ALKBH8: variants seen among roughly 807,000 people sequenced by gnomAD.
ALKBH8 encodes the protein tRNA (carboxymethyluridine(34)-5-O)-methyltransferase ALKBH8.
Under a neutral mutation model 59.8 loss-of-function variants are expected in ALKBH8, and 36 were observed. The ratio of observed to expected loss-of-function variants is 0.60; its 90% CI spans 0.46 to 0.79. The LOEUF is 0.79. Ranked by LOEUF, ALKBH8 falls within the 30% of genes least tolerant of loss-of-function variation. The pLI is 0.00. For missense variants in ALKBH8, 768 were observed against 801.0 expected, an observed-to-expected ratio of 0.96 and a Z score of 0.50; for synonymous variants, 276 against 273.6, an observed-to-expected ratio of 1.01 and a Z score of -0.09.
chr11:107,541,636 T>C (rs1366444462), intron 7 of ALKBH8, among the ~76,000 whole-genome samples: 1 of 152,184 alleles, frequency 6.6e-6, no homozygotes, highest in Non-Finnish European at 1.5e-5. Flanking sequence ...TCTAACTCAA[T>C]GGTATAAAAT....
chr11:107,510,310 G>T (rs1350464463), intron 11 of ALKBH8, among the ~76,000 whole-genome samples: 2 of 151,518 alleles, frequency 1.3e-5, no homozygotes, highest in African/African-American at 4.9e-5. Context: ...AAGAAAGAAA[G>T]AAAATATTAA....
intron 7 of ALKBH8, among the ~76,000 whole-genome samples, chr11:107,547,465 C>G (rs1864310879): frequency 2.0e-5 from 3 of 152,152 alleles, no homozygotes; most frequent in South Asian, 2.1e-4. Context: ...CCTGAAGGAG[C>G]CTTTACACGC....
intron 2 of ALKBH8, among the ~76,000 whole-genome samples, chr11:107,559,467 C>A (rs1864849756): frequency 6.6e-6 from 1 of 151,954 alleles, no homozygotes; most frequent in African/African-American, 2.4e-5. Flanking sequence ...CAGACCCAAC[C>A]AGAAACAAGC....
chr11:107,507,841 T>G (rs944777451), intron 11 of ALKBH8, among the ~76,000 whole-genome samples: 11 of 152,158 alleles, frequency 7.2e-5, no homozygotes, highest in African/African-American at 2.7e-4. Context: ...TTTAATTCCC[T>G]TACCTAGTTG....
intron 7 of ALKBH8, among the ~76,000 whole-genome samples, chr11:107,535,625 T>C (rs963578019): frequency 7.2e-5 from 11 of 152,142 alleles, no homozygotes; most frequent in Admixed American, 5.2e-4. Context: ...TCTCACTGAT[T>C]GAAATTCTTA....
intron 1 of ALKBH8, among the ~76,000 whole-genome samples, chr11:107,563,073 GT>G (rs1865000895): frequency 6.6e-6 from 1 of 152,148 alleles, no homozygotes; most frequent in African/African-American, 2.4e-5. Context: ...ATAGAATAAT[GT>G]TTAAGGTATT....
chr11:107,547,928 A>G (rs956637394), intron 7 of ALKBH8, among the ~76,000 whole-genome samples: 1 of 152,184 alleles, frequency 6.6e-6, no homozygotes, highest in East Asian at 1.9e-4. Context: ...TCCCTTCTTC[A>G]TAATTTCTAA....
chr11:107,524,369 A>C (rs1863262474), intron 9 of ALKBH8, among the ~76,000 whole-genome samples: 1 of 152,082 alleles, frequency 6.6e-6, no homozygotes, highest in African/African-American at 2.4e-5. Context: ...AGCCACAATT[A>C]TTATTCATCT....
intron 9 of ALKBH8, 36 bp downstream of exon 9, chr11:107,525,405 C>A (rs1299327824): frequency 6.7e-7 from 1 of 1,496,080 alleles, no homozygotes; most frequent in Non-Finnish European, 8.9e-7. Flanking sequence ...ATTAAACTGA[C>A]TCCATTTTAC....
intron 1 of ALKBH8, chr11:107,565,359 T>G (rs1338326455): frequency 1.7e-6 from 1 of 585,962 alleles, no homozygotes; most frequent in Non-Finnish European, 3.0e-6. Flanking sequence ...AACAGAAGAT[T>G]GACACAGGCA....
At chr11:107,515,395 A>T (rs1270038718) in intron 10 of ALKBH8, among the ~76,000 whole-genome samples, 2 of 152,158 alleles carry the variant, frequency 1.3e-5, no homozygotes, top group East Asian at 3.9e-4. Flanking sequence ...TCACTCTGTC[A>T]CCCAGGCTGG....
intron 10 of ALKBH8, among the ~76,000 whole-genome samples, chr11:107,521,118 AG>A (rs1224053600): frequency 6.6e-6 from 1 of 152,164 alleles, no homozygotes; most frequent in African/African-American, 2.4e-5. Context: ...TGGTATCCAC[AG>A]GGTCCTGGAA....
At chr11:107,540,024 G>T (rs941592229) in intron 7 of ALKBH8, among the ~76,000 whole-genome samples, 1 of 152,142 alleles carries the variant, frequency 6.6e-6, no homozygotes, top group Non-Finnish European at 1.5e-5. Context: ...AAGTGTTACG[G>T]GCAGCAGCTA....
At chr11:107,537,312 C>G (rs1282781188) in intron 7 of ALKBH8, among the ~76,000 whole-genome samples, 1 of 152,104 alleles carries the variant, frequency 6.6e-6, no homozygotes, top group East Asian at 1.9e-4. Context: ...TGTAAATGCC[C>G]ATCAATGATA....
chr11:107,536,971 T>C (rs1863842892), intron 7 of ALKBH8, among the ~76,000 whole-genome samples: 1 of 152,210 alleles, frequency 6.6e-6, no homozygotes, highest in Non-Finnish European at 1.5e-5. Context: ...GCATCAAGTC[T>C]ACTATGAGGA....
At chr11:107,511,567 C>A (rs1418910618) in intron 10 of ALKBH8, among the ~76,000 whole-genome samples, 2 of 151,582 alleles carry the variant, frequency 1.3e-5, no homozygotes, top group Non-Finnish European at 2.9e-5. Flanking sequence ...AAATCCCCCC[C>A]AAAAAAAATC....
chr11:107,560,919 TA>T lies in ALKBH8; in HGVS notation c.-6-21del. The stretch of plus-strand genomic sequence containing the variant: ...AGCAAACTGTAAAAAAACAAGACAG[TA>T]AAAAAGTCAACCTTAAGAGTCCTGA... On this transcript the variant is annotated intron_variant, in intron 1 of 11. Coordinates refer to ENST00000428149, the MANE Select transcript of ALKBH8 (RefSeq NM_138775.3). 6.3e-7 allele frequency: 1 copy of T among 1,595,106 alleles called. No individual in the cohort carries two copies. Among genetic ancestry groups the T allele is most frequent in the Non-Finnish European group, 8.5e-7 (1 of 1,171,202 alleles).
At chr11:107,542,085 G>A (rs1273743880) in intron 7 of ALKBH8, among the ~76,000 whole-genome samples, 13 of 151,900 alleles carry the variant, frequency 8.6e-5, no homozygotes, top group Admixed American at 5.9e-4. Flanking sequence ...CAGAAGACAG[G>A]ATAAGTAAAA....
At chr11:107,545,550 G>T (rs1196812987) in intron 7 of ALKBH8, among the ~76,000 whole-genome samples, 1 of 152,184 alleles carries the variant, frequency 6.6e-6, no homozygotes, top group Non-Finnish European at 1.5e-5. Context: ...CAAACATTCA[G>T]CAGATGGGGT....
Sources: gnomAD v4.1 joint callset for allele counts (sites outside exome capture counted in the v4.1 genomes callset) on GRCh38, gnomAD v4.1.1 for gene constraint, MANE v1.5 for transcripts, NCBI Gene and HGNC (gene_info 2026-07-23, HGNC 2026-07-21) for gene names.